The following SHROOM4 variants were observed in gnomAD, a reference collection of about 807,000 sequenced individuals.
The protein encoded by SHROOM4 is shroom family member 4, also known as protein Shroom4.
Under a neutral mutation model 80.3 loss-of-function variants are expected in SHROOM4, and 17 were observed. The observed-to-expected ratio is 0.21, with a 90% CI of 0.14 to 0.32. The LOEUF (loss-of-function observed/expected upper bound fraction) is 0.32. Among genes scored for constraint, SHROOM4 ranks in the 10% least tolerant of loss-of-function variants. The probability of loss-of-function intolerance (pLI) is 1.00; values close to 1 mark genes in which losing one functional copy is unlikely to be tolerated. For missense variants in SHROOM4, 993 were observed against 1,140.3 expected (o/e 0.87, Z 1.86); for synonymous variants, 400 against 437.5 (o/e 0.91, Z 1.07).
chrX:50,651,258 C>G (rs782164947), intron 2 of SHROOM4, among the ~76,000 whole-genome samples: 1 of 112,003 alleles, frequency 8.9e-6, no homozygotes, highest in Non-Finnish European at 1.9e-5. Context: ...GTAAAGCCAT[C>G]TAACTGCTAA....
At position 50,634,727 on chromosome X, in the gene SHROOM4, G is replaced by A. The variant is rs1557255301; in HGVS notation, c.1346C>T (p.Pro449Leu). The change falls in exon 4 of 9, where the codon CCT (proline) becomes CTT (leucine). Residue 449 changes from proline (P) to leucine (L), a missense_variant. Coordinates refer to ENST00000376020, the MANE Select transcript of SHROOM4 (RefSeq NM_020717.5). ...CTTCCCTTTGTGGCTGCTGTGCAAA[G>A]GGGACAGAGTCCACTGGTGCCCATC... The part of the protein sequence containing the change: ...VQDGHQWTLS[P>L]LHSSHKGKKS... 1.7e-6 allele frequency: 2 copies of A among 1,211,861 alleles called. No individual in the cohort carries two copies. Among genetic ancestry groups the A allele is most frequent in the Admixed American group, 2.2e-5 (1 of 46,055 alleles).
chrX:50,670,524 G>A (rs1196179765), intron 2 of SHROOM4, among the ~76,000 whole-genome samples: 1 of 111,744 alleles, frequency 8.9e-6, no homozygotes, highest in African/African-American at 3.3e-5. Context: ...AGGCATTTGG[G>A]TTGGTTCCAA....
intron 1 of SHROOM4, among the ~76,000 whole-genome samples, chrX:50,810,022 G>T (rs1936299298): frequency 9.0e-6 from 1 of 110,694 alleles, no homozygotes; most frequent in Non-Finnish European, 1.9e-5. Flanking sequence ...TTGGAGGTGG[G>T]GTCACACTAT....
rs181011732 is a variant in SHROOM4 at position 50,667,360 on chromosome X, T to G, written c.269+28426A>C. Among the ~76,000 whole-genome samples the G allele has an allele frequency of 2.1e-3, 233 of 111,681 alleles. 2 individuals are homozygous for G. The highest frequency in any genetic ancestry group is 7.3e-3 in the African/African-American group (225 of 30,774). On this transcript the variant is annotated intron_variant, in intron 2 of 8. Transcript: ENST00000376020. ...TCATTTAGCTGTTTTACTAAAGATA[T>G]TGGGTTTTAAATAAATATATTTATT...
intron 2 of SHROOM4, among the ~76,000 whole-genome samples, chrX:50,655,159 A>G (rs1293640870): frequency 9.1e-6 from 1 of 109,771 alleles, no homozygotes; most frequent in African/African-American, 3.3e-5. Flanking sequence ...CATAGTGTAT[A>G]TATACCACAT....
intron 2 of SHROOM4, among the ~76,000 whole-genome samples, chrX:50,675,019 C>A (rs1354340798): frequency 1.8e-5 from 2 of 111,831 alleles, no homozygotes; most frequent in Non-Finnish European, 3.8e-5. Context: ...GGACACTATT[C>A]TAAGCAAAGA....
intron 1 of SHROOM4, among the ~76,000 whole-genome samples, chrX:50,699,152 C>A (rs1557263341): frequency 8.9e-6 from 1 of 112,097 alleles, no homozygotes; most frequent in African/African-American, 3.2e-5. Flanking sequence ...TCACAAAGCT[C>A]AATGTAAACG....
chrX:50,629,237 T>C (rs1557253670), intron 4 of SHROOM4, among the ~76,000 whole-genome samples: 4 of 111,249 alleles, frequency 3.6e-5, no homozygotes, highest in African/African-American at 1.3e-4. Context: ...CAAATGGAGA[T>C]TGTGATGGGA....
Position 50,607,610 on chromosome X carries a change from C to T in SHROOM4, c.3532G>A (p.Glu1178Lys), listed in dbSNP as rs1929724926. 1 of 1,211,437 alleles carries T rather than the reference C, an allele frequency of 8.3e-7. No homozygotes were observed. Among genetic ancestry groups the T allele is most frequent in the Non-Finnish European group, 1.1e-6 (1 of 895,390 alleles). The change falls in exon 6 of 9, where the codon GAG becomes AAG. Residue 1178 changes from glutamate to lysine, a missense_variant. By Grantham distance (56) the Glu-to-Lys change is moderately conservative. Transcript: ENST00000376020. The part of the protein sequence containing the change: ...TSGSCALNPE[E>K]VLEQPQPLSF... Reference sequence around the variant, plus strand: ...AGGGGTTGTGGCTGCTCTAGGACCTCCTCAGGATTGAGAGCACAGGAACCA... The same window carrying T: ...AGGGGTTGTGGCTGCTCTAGGACCTTCTCAGGATTGAGAGCACAGGAACCA...
At chrX:50,734,179 A>G (rs1934428928) in intron 1 of SHROOM4, among the ~76,000 whole-genome samples, 1 of 112,007 alleles carries the variant, frequency 8.9e-6, no homozygotes, top group Non-Finnish European at 1.9e-5. Flanking sequence ...AACATTTTTA[A>G]GATGGCAGTA....
rs1239036941 is a variant in SHROOM4, at chrX:50,758,111, T to C, written c.117+55791A>G. ...AGATTATTACTATAAAGACATAGAA[T>C]TGATTTTTTATGTTGATGTCATATC... On this transcript the variant is annotated intron_variant, in intron 1 of 8. Transcript: ENST00000376020. Among the ~76,000 whole-genome samples the C allele has an allele frequency of 3.6e-5, 4 of 111,899 alleles. No homozygotes were observed. The East Asian group carries it at 8.3e-4, about 23-fold the overall frequency.
At chrX:50,676,693 A>T (rs1446119585) in intron 2 of SHROOM4, among the ~76,000 whole-genome samples, 1 of 111,007 alleles carries the variant, frequency 9.0e-6, no homozygotes, top group Non-Finnish European at 1.9e-5. Flanking sequence ...CTGATCAAAA[A>T]CTGCGTTTAA....
chrX:50,630,214 G>A (rs908493892), intron 4 of SHROOM4, among the ~76,000 whole-genome samples: 14 of 110,577 alleles, frequency 1.3e-4, no homozygotes, highest in Non-Finnish European at 2.3e-4. Context: ...CGCTGCAGCC[G>A]TCATCTCCTC....
intron 2 of SHROOM4, among the ~76,000 whole-genome samples, chrX:50,665,320 C>A (rs1213512136): frequency 9.0e-6 from 1 of 111,008 alleles, no homozygotes; most frequent in African/African-American, 3.3e-5. Context: ...AAAGTTAAAG[C>A]CTGGGTAACT....
chrX:50,732,536 G>A (rs1934396283), intron 1 of SHROOM4, among the ~76,000 whole-genome samples: 1 of 111,894 alleles, frequency 8.9e-6, no homozygotes, highest in African/African-American at 3.2e-5. Flanking sequence ...ACAACTCTTT[G>A]GCTAGTTTGA....
At chrX:50,772,984 G>A (rs1935429285) in intron 1 of SHROOM4, among the ~76,000 whole-genome samples, 1 of 111,908 alleles carries the variant, frequency 8.9e-6, no homozygotes, top group Admixed American at 9.5e-5. Flanking sequence ...CAGGAAACTT[G>A]GGAAGACAGA....
intron 2 of SHROOM4, among the ~76,000 whole-genome samples, chrX:50,658,201 T>G (rs1557259631): frequency 8.9e-6 from 1 of 111,909 alleles, no homozygotes; most frequent in Non-Finnish European, 1.9e-5. Context: ...CTGTTCCTTA[T>G]AAATTACCCA....
intron 2 of SHROOM4, among the ~76,000 whole-genome samples, chrX:50,693,565 CA>C (rs377189230): frequency 0.012 from 956 of 77,306 alleles, 18 homozygotes; most frequent in African/African-American, 0.038. Context: ...AACTCCATTT[CA>C]AAAAAAAAAA....
intron 1 of SHROOM4, among the ~76,000 whole-genome samples, chrX:50,738,297 C>T (rs1934548679): frequency 1.8e-5 from 2 of 111,380 alleles, no homozygotes; most frequent in South Asian, 7.6e-4. Flanking sequence ...CTCATCACTC[C>T]TATTCAACAT....
Sources: allele counts gnomAD v4.1 joint callset (sites outside exome capture counted in the v4.1 genomes callset), GRCh38; gene constraint gnomAD v4.1.1; transcripts MANE v1.5; gene names NCBI Gene and HGNC (gene_info 2026-07-23, HGNC 2026-07-21).